Variants in ENTPD1 observed in about 807,000 individuals in gnomAD.
ENTPD1 encodes ATP diphosphohydrolase.
ENTPD1 carries 33 observed loss-of-function variants against 57.0 expected under a neutral mutation model. The observed-to-expected ratio is 0.58, with a 90% CI of 0.44 to 0.77. The LOEUF is 0.77. Ranked by LOEUF, ENTPD1 falls within the 30% of genes least tolerant of loss-of-function variation. The pLI, the probability that ENTPD1 is intolerant of heterozygous loss-of-function variation, is 0.00. For synonymous variants in ENTPD1, 202 were observed against 218.8 expected (o/e 0.92, Z 0.68); for missense variants, 501 against 603.4 (o/e 0.83, Z 1.78).
rs372894874 is a variant in ENTPD1, at chr10:95,756,203, A to C, written c.-37A>C. The C allele has an allele frequency of 2.0e-5, 31 of 1,583,558 alleles. No individual in the cohort carries two copies. The African/African-American group carries it at 3.8e-4, about 19-fold the overall frequency. On this transcript the variant is annotated 5_prime_UTR_variant, in exon 1 of 10. Transcript: ENST00000371205. ...AGCAAGCAGAGGCTGGGGGGGGGAA[A>C]GACGAGGAAAGAGGAGGAAAACAAA...
At chr10:95,768,630 T>C (rs979120501) in intron 1 of ENTPD1, among the ~76,000 whole-genome samples, 3 of 152,162 alleles carry the variant, frequency 2.0e-5, no homozygotes, top group African/African-American at 7.2e-5. Flanking sequence ...TTTCCTTAAC[T>C]ATCTCCCATA....
chr10:95,739,615 C>A (rs1283070692), intron 1 of ENTPD1, among the ~76,000 whole-genome samples: 1 of 152,220 alleles, frequency 6.6e-6, no homozygotes, highest in Admixed American at 6.5e-5. Flanking sequence ...ACCACATCTG[C>A]AGTTACTTCC....
rs781586410 is a variant in ENTPD1, at chr10:95,727,411, C to T, written c.37+15418C>T. Among the ~76,000 whole-genome samples, 10 of 152,098 alleles carry T rather than the reference C, an allele frequency of 6.6e-5. No individual in the cohort carries two copies. The South Asian group carries it at 1.2e-3, about 19-fold the overall frequency. ...TCTCTACCTCCTGTTTGGAAGTTGTCTAGGAAATCCCTTTGATAACTTATA... is the reference window on the plus strand; with the variant it reads ...TCTCTACCTCCTGTTTGGAAGTTGTTTAGGAAATCCCTTTGATAACTTATA... On this transcript the variant is annotated intron_variant, in intron 1 of 9. Coordinates refer to the ENTPD1 transcript ENST00000453258.
At chr10:95,839,633 C>G in intron 2 of ENTPD1, 58 bp from the exon 3 acceptor site, 1 of 1,554,542 alleles carries the variant, frequency 6.4e-7, no homozygotes, top group Non-Finnish European at 8.9e-7. Context: ...CTTTTGCAAG[C>G]CTAATATGGA....
At chr10:95,822,473 T>G (rs946796862) in intron 1 of ENTPD1, among the ~76,000 whole-genome samples, 1 of 151,830 alleles carries the variant, frequency 6.6e-6, no homozygotes, top group Non-Finnish European at 1.5e-5. Context: ...ATTTTTGTAT[T>G]TTTAGTAGAG....
chr10:95,831,810 C>G (rs1488625707), intron 2 of ENTPD1, among the ~76,000 whole-genome samples: 1 of 152,168 alleles, frequency 6.6e-6, no homozygotes, highest in Non-Finnish European at 1.5e-5. Flanking sequence ...GTTTACTTGC[C>G]CAGCTACCTA....
chr10:95,838,659 C>G (rs2098416140), intron 2 of ENTPD1, among the ~76,000 whole-genome samples: 2 of 152,016 alleles, frequency 1.3e-5, no homozygotes, highest in South Asian at 4.2e-4. Context: ...CACTGGGAAG[C>G]CTTATGAGGG....
chr10:95,739,709 C>T (rs1207507952), intron 1 of ENTPD1, among the ~76,000 whole-genome samples: 1 of 152,176 alleles, frequency 6.6e-6, no homozygotes, highest in Non-Finnish European at 1.5e-5. Context: ...TTGATATTTT[C>T]ACCTCTTCCC....
chr10:95,875,998 G>A lies in ENTPD1; in HGVS notation c.*9615G>A, dbSNP rs2098485368. 1.0e-6 allele frequency: 1 copy of A among 985,386 alleles called. No individual in the cohort carries two copies. The highest frequency in any genetic ancestry group is 1.2e-6 in the Non-Finnish European group (1 of 829,934). The allele number at this position is 985,386 out of a possible 1,614,324, so 61.0% of individuals were successfully genotyped here. ...TTGTACTTTAACCAGCTGAATGGAA[G>A]TACAATCTCTTGCTATATGACACAA... On this transcript the variant is annotated 3_prime_UTR_variant, in exon 10 of 10. Transcript: ENST00000371205.
intron 7 of ENTPD1, among the ~76,000 whole-genome samples, chr10:95,853,815 G>C (rs1193161424): frequency 5.9e-5 from 9 of 152,156 alleles, no homozygotes; most frequent in African/African-American, 9.7e-5. Context: ...TTTTTGATGT[G>C]CTGCTGGATT....
At chr10:95,845,768 C>A in intron 6 of ENTPD1, 172 bp downstream of exon 6, 1 of 997,436 alleles carries the variant, frequency 1.0e-6, no homozygotes, top group Non-Finnish European at 1.5e-6. Flanking sequence ...TAAATTGTTT[C>A]AGTCAGACAT....
Position 95,874,435 on chromosome 10 carries a change from T to C in ENTPD1, c.*8052T>C, listed in dbSNP as rs147912215. ...ATGCAAGAGATAGGTTCCCATGGTC[T>C]TGTGCAGCTCCGCCCCTGTGGCTTT... is the stretch of plus-strand genomic sequence containing the variant. On this transcript the variant is annotated 3_prime_UTR_variant, in exon 10 of 10. Transcript: ENST00000371205. Among the ~76,000 whole-genome samples the C allele has an allele frequency of 0.011, 1,644 of 152,344 alleles. 41 individuals carry two copies. The highest frequency in any genetic ancestry group is 0.041 in the Admixed American group (634 of 15,304).
Position 95,872,656 on chromosome 10 carries a change from G to C in ENTPD1, c.*6273G>C. ...TATGTTACCTATTTCTTTCTGAAAA[G>C]TTGGATTCAGGGATATTATCACGGA... On this transcript the variant is annotated 3_prime_UTR_variant, in exon 10 of 10. Transcript: ENST00000371205. The C allele has an allele frequency of 1.0e-6, 1 of 970,950 alleles. No homozygotes were observed. The highest frequency in any genetic ancestry group is 1.2e-6 in the Non-Finnish European group (1 of 825,100). 60.1% of individuals were successfully genotyped at this position (970,950 alleles called of 1,614,324 possible). A position where few individuals can be genotyped will look rare whatever the true frequency, so the allele number is the denominator to read the frequency against.
intron 2 of ENTPD1, among the ~76,000 whole-genome samples, chr10:95,829,319 T>TTGTC (rs751517405): frequency 6.6e-6 from 1 of 152,194 alleles, no homozygotes; most frequent in Non-Finnish European, 1.5e-5. Context: ...AACTTTAGAA[T>TTGTC]TGTCTGCCCT....
the ENTPD1 span, chr10:95,694,203 G>C: frequency 2.5e-6 from 1 of 401,406 alleles, no homozygotes; most frequent in Non-Finnish European, 4.5e-6. Flanking sequence ...GAGTTCGGCG[G>C]ACCGAGAGGT....
chr10:95,775,150 A>T (rs995287364), intron 1 of ENTPD1, among the ~76,000 whole-genome samples: 2 of 152,182 alleles, frequency 1.3e-5, no homozygotes, highest in Non-Finnish European at 2.9e-5. Flanking sequence ...GTGTATAAGA[A>T]TGCTTGTGAT....
intron 1 of ENTPD1, among the ~76,000 whole-genome samples, chr10:95,721,063 G>A (rs535637618): frequency 6.6e-6 from 1 of 152,238 alleles, no homozygotes; most frequent in East Asian, 1.9e-4. Flanking sequence ...GTCTGCAGCT[G>A]ACTGACTGAT....
At chr10:95,842,280 T>A in intron 3 of ENTPD1, 64 bp from the exon 4 acceptor site, 1 of 1,436,142 alleles carries the variant, frequency 7.0e-7, no homozygotes, top group Non-Finnish European at 9.7e-7. Flanking sequence ...TTTGATCTAC[T>A]ATTGTCAAGG....
Position 95,852,491 on chromosome 10 carries a change from A to G in ENTPD1, c.1074+4785A>G, listed in dbSNP as rs2098447139. Among the ~76,000 whole-genome samples, 6 of 152,232 alleles carry G rather than the reference A, an allele frequency of 3.9e-5. 1 individual carries two copies. In the South Asian group the frequency reaches 1.2e-3, roughly 32 times the overall value. ...TGCCATTGCTTTTGGTGTATTAGAC[A>G]TGAAGTCTTTGCCCATGCCCATGTC... On this transcript the variant is annotated intron_variant, in intron 7 of 9. Transcript: ENST00000371205.
Sources: allele counts gnomAD v4.1 joint callset (sites outside exome capture counted in the v4.1 genomes callset), GRCh38; gene constraint gnomAD v4.1.1; transcripts MANE v1.5; gene names NCBI Gene and HGNC (gene_info 2026-07-23, HGNC 2026-07-21).